Variants in SLC4A4 observed in about 807,000 individuals in gnomAD.
The protein encoded by SLC4A4 is solute carrier family 4 member 4.
Under a neutral mutation model 111.5 loss-of-function variants are expected in SLC4A4, and 27 were observed. That is an observed-to-expected ratio of 0.24 (90% confidence interval 0.18 to 0.33). The LOEUF is 0.33. Among genes scored for constraint, SLC4A4 ranks in the 10% least tolerant of loss-of-function variants. The pLI is 1.00. For missense variants in SLC4A4, 909 were observed against 1,315.5 expected (o/e 0.69, Z 4.78); for synonymous variants, 443 against 463.4 (o/e 0.96, Z 0.57).
intron 6 of SLC4A4, among the ~76,000 whole-genome samples, chr4:71,373,565 A>C (rs1224583996): frequency 6.6e-6 from 1 of 152,224 alleles, no homozygotes; most frequent in African/African-American, 2.4e-5. Flanking sequence ...TGATACATTA[A>C]ATTAGCAGAA....
intron 6 of SLC4A4, among the ~76,000 whole-genome samples, chr4:71,361,407 C>T (rs898527508): frequency 6.6e-6 from 1 of 152,164 alleles, no homozygotes; most frequent in African/African-American, 2.4e-5. Context: ...AATCAGGGAA[C>T]AGTGAGGCAA....
At chr4:71,278,486 G>A (rs1335365776) in intron 3 of SLC4A4, among the ~76,000 whole-genome samples, 1 of 152,052 alleles carries the variant, frequency 6.6e-6, no homozygotes, top group East Asian at 1.9e-4. Flanking sequence ...TGGATCCTAT[G>A]GTACTTCTGT....
chr4:71,344,103 G>A (rs541516572), intron 4 of SLC4A4, among the ~76,000 whole-genome samples: 1 of 151,802 alleles, frequency 6.6e-6, no homozygotes, highest in Non-Finnish European at 1.5e-5. Flanking sequence ...TCTTGTTATT[G>A]TCTCTTCCCA....
intron 2 of SLC4A4, among the ~76,000 whole-genome samples, chr4:71,243,603 A>G (rs1257498361): frequency 6.6e-6 from 1 of 152,178 alleles, no homozygotes; most frequent in Non-Finnish European, 1.5e-5. Flanking sequence ...GCATAGGTTC[A>G]CGGGAGGTTC....
Position 71,134,546 on chromosome 4 carries a change from C to A in SLC4A4, c.-2+41754C>A, listed in dbSNP as rs533409107. ...TGTTCTAAACTTTGCTCCATTAAAA[C>A]CAGACCCTCCTACTTGCTCTGTGTA... On this transcript the variant is annotated intron_variant, in intron 2 of 26. Transcript: ENST00000649996. Among the ~76,000 whole-genome samples the A allele has an allele frequency of 1.4e-4, 21 of 152,344 alleles. No homozygotes were observed. In the South Asian group the frequency reaches 3.9e-3, roughly 29 times the overall value.
intron 7 of SLC4A4, among the ~76,000 whole-genome samples, chr4:71,428,646 G>A (rs1019965339): frequency 1.3e-5 from 2 of 151,910 alleles, no homozygotes; most frequent in African/African-American, 2.4e-5. Flanking sequence ...TTAGCAGGAC[G>A]AAGAGAAAAT....
chr4:71,564,421 C>A (rs1336368911), intron 24 of SLC4A4, among the ~76,000 whole-genome samples: 1 of 151,842 alleles, frequency 6.6e-6, no homozygotes, highest in Non-Finnish European at 1.5e-5. Context: ...CATTTGCTTT[C>A]TAATCTCTTC....
chr4:71,139,338 CT>C (rs2148965555), intron 2 of SLC4A4, among the ~76,000 whole-genome samples: 1 of 152,198 alleles, frequency 6.6e-6, no homozygotes, highest in African/African-American at 2.4e-5. Context: ...CTGCTTATTG[CT>C]GTCCCACTCC....
intron 2 of SLC4A4, among the ~76,000 whole-genome samples, chr4:71,095,831 G>A (rs565645736): frequency 7.7e-4 from 118 of 152,308 alleles, no homozygotes; most frequent in Non-Finnish European, 1.0e-3. Flanking sequence ...GGGAACCTAA[G>A]ATAATCTGAA....
chr4:71,208,159 G>C (rs966557909), intron 1 of SLC4A4, among the ~76,000 whole-genome samples: 1 of 152,132 alleles, frequency 6.6e-6, no homozygotes, highest in Non-Finnish European at 1.5e-5. Context: ...GGCTGGGCGT[G>C]GTGGCTCATG....
chr4:71,366,809 G>A (rs1393474086), intron 6 of SLC4A4, among the ~76,000 whole-genome samples: 1 of 152,182 alleles, frequency 6.6e-6, no homozygotes, highest in Non-Finnish European at 1.5e-5. Context: ...GTGAAAAAAA[G>A]CAACATGAAA....
intron 3 of SLC4A4, among the ~76,000 whole-genome samples, chr4:71,261,734 T>A (rs1396515091): frequency 2.0e-5 from 3 of 152,208 alleles, no homozygotes; most frequent in African/African-American, 7.2e-5. Context: ...ACTATTCATT[T>A]CTTGTTGCCA....
chr4:71,272,412 A>C (rs555854323), intron 3 of SLC4A4, among the ~76,000 whole-genome samples: 1 of 152,290 alleles, frequency 6.6e-6, no homozygotes, highest in Non-Finnish European at 1.5e-5. Flanking sequence ...AGGTTAAATG[A>C]CTGAAAGACA....
At chr4:71,378,955 C>G (rs1200705756) in intron 6 of SLC4A4, among the ~76,000 whole-genome samples, 1 of 152,184 alleles carries the variant, frequency 6.6e-6, no homozygotes, top group Non-Finnish European at 1.5e-5. Flanking sequence ...CTGTACCCTT[C>G]AGTAACCATA....
chr4:71,197,327 G>A (rs2198341), intron 1 of SLC4A4, among the ~76,000 whole-genome samples: 18,113 of 152,176 alleles, frequency 0.12, 1,770 homozygotes, highest in African/African-American at 0.25. Flanking sequence ...TTGTAATGAA[G>A]TTTGGAACCC....
chr4:71,136,054 A>T (rs1325331467), intron 2 of SLC4A4, among the ~76,000 whole-genome samples: 2 of 152,220 alleles, frequency 1.3e-5, no homozygotes, highest in African/African-American at 4.8e-5. Context: ...ATAAGAGCTT[A>T]AACATTCTTT....
In SLC4A4 at chr4:71,440,627, G is replaced by A. The variant is rs1166768728; in HGVS notation, c.819G>A (p.Lys273=). ...TTCTTCTCATGCAGCTGAAGAATAA[G>A]TTCATGAAAAAATTGCCACGTGATG... is the stretch of plus-strand genomic sequence containing the variant. ...DKPEKDQLKN[K]FMKKLPRDAE... Residue 273 remains lysine (K), a synonymous_variant, in exon 8 of 26, where the codon AAG becomes AAA. Transcript: ENST00000264485. The A allele has an allele frequency of 6.8e-6, 11 of 1,614,008 alleles. No homozygotes were observed. Among genetic ancestry groups the A allele is most frequent in the Non-Finnish European group, 5.1e-6 (6 of 1,179,992 alleles).
At chr4:71,333,067 G>A (rs1728148216) in intron 3 of SLC4A4, among the ~76,000 whole-genome samples, 1 of 152,172 alleles carries the variant, frequency 6.6e-6, no homozygotes, top group South Asian at 2.1e-4. Flanking sequence ...AGATAGTCTT[G>A]ATGCTTGTAT....
At chr4:71,114,489 GA>G (rs1289522155) in intron 2 of SLC4A4, among the ~76,000 whole-genome samples, 1 of 129,464 alleles carries the variant, frequency 7.7e-6, no homozygotes, top group Non-Finnish European at 1.7e-5. Flanking sequence ...AAATTTACAA[GA>G]AAAAAACAAA....
Sources: allele counts gnomAD v4.1 joint callset (sites outside exome capture counted in the v4.1 genomes callset), GRCh38; gene constraint gnomAD v4.1.1; transcripts MANE v1.5; gene names NCBI Gene and HGNC (gene_info 2026-07-23, HGNC 2026-07-21).